Variants in GRID1 observed in about 807,000 individuals in gnomAD.
The protein encoded by GRID1 is glutamate receptor ionotropic, delta-1.
In GRID1, 28 loss-of-function variants were observed where a neutral mutation model predicts 98.0. That is an observed-to-expected ratio of 0.29 (90% CI 0.21 to 0.39). The LOEUF (loss-of-function observed/expected upper bound fraction) is 0.39, where lower values mean the gene tolerates loss of function less well. GRID1 is among the 10% of genes least tolerant of loss of function. The pLI is 1.00. For missense variants in GRID1, 1,111 were observed against 1,340.5 expected (o/e 0.83, Z 2.67); for synonymous variants, 553 against 538.5 (o/e 1.03, Z -0.37).
In GRID1 at chr10:85,646,223, G is replaced by T. The variant is rs143796520; in HGVS notation, c.2193+979C>A. ...TGGGTCTGGGAGGGAAAGGATGGGAGGAGACACTGAGGCAGCCAGTCTGCT... is the reference window on the plus strand; with the variant it reads ...TGGGTCTGGGAGGGAAAGGATGGGATGAGACACTGAGGCAGCCAGTCTGCT... On this transcript the variant is annotated intron_variant, in intron 13 of 15. Coordinates refer to ENST00000327946, the MANE Select transcript of GRID1 (RefSeq NM_017551.3). 329 of 153,008 alleles carry T rather than the reference G, an allele frequency of 2.2e-3. 1 individual carries two copies. The highest frequency in any genetic ancestry group is 3.7e-3 in the Non-Finnish European group (255 of 68,612). 9.5% of individuals were successfully genotyped at this position (153,008 alleles called of 1,614,324 possible). A position where few individuals can be genotyped will look rare whatever the true frequency, so the allele number is the denominator to read the frequency against.
At chr10:86,091,370 C>T (rs1187427033) in intron 4 of GRID1, among the ~76,000 whole-genome samples, 2 of 152,044 alleles carry the variant, frequency 1.3e-5, no homozygotes, top group Non-Finnish European at 2.9e-5. Flanking sequence ...AGCTTTCTCC[C>T]GCTTCCCTGA....
chr10:85,674,713 G>GT (rs796827862), intron 12 of GRID1, among the ~76,000 whole-genome samples: 6,386 of 145,230 alleles, frequency 0.044, 174 homozygotes, highest in Non-Finnish European at 0.059. Flanking sequence ...AAAATTGCAG[G>GT]TTTTTTTTTT....
chr10:85,916,250 A>G lies in GRID1; in HGVS notation c.727-11T>C. The G allele has an allele frequency of 1.2e-6, 2 of 1,606,822 alleles. No homozygotes were observed. The highest frequency in any genetic ancestry group is 1.7e-6 in the Non-Finnish European group (2 of 1,173,440). On this transcript the variant is annotated splice_polypyrimidine_tract_variant and intron_variant, in intron 4 of 15. Transcript: ENST00000327946. This position sits in a 1 kb window ranked among gnomAD's most constrained non-coding sequence, Gnocchi z 4.0. ...GTTGGTCTCCACGGCCTGCAGAGAG[A>G]AAAAGAACGAACATGAACAGAAGCA...
intron 5 of GRID1, among the ~76,000 whole-genome samples, chr10:85,876,998 C>A (rs912108050): frequency 6.6e-6 from 1 of 152,192 alleles, no homozygotes; most frequent in African/African-American, 2.4e-5. Flanking sequence ...CGGAGTCTCG[C>A]TGATTGCTAG....
At chr10:85,919,982 C>T (rs571207801) in intron 4 of GRID1, among the ~76,000 whole-genome samples, 1 of 152,280 alleles carries the variant, frequency 6.6e-6, no homozygotes, top group South Asian at 2.1e-4. Flanking sequence ...CCCTGCTTGG[C>T]ACTCACGGTG....
At chr10:85,766,306 T>G (rs578104441) in intron 8 of GRID1, among the ~76,000 whole-genome samples, 1 of 152,142 alleles carries the variant, frequency 6.6e-6, no homozygotes, top group Non-Finnish European at 1.5e-5. Context: ...GGCAATGTGG[T>G]GAAACCCCAT....
chr10:85,878,236 C>T (rs1300330819), intron 5 of GRID1, among the ~76,000 whole-genome samples: 1 of 152,108 alleles, frequency 6.6e-6, no homozygotes, highest in African/African-American at 2.4e-5. Flanking sequence ...TATAGCAAGG[C>T]AGGCCAACAT....
intron 4 of GRID1, among the ~76,000 whole-genome samples, chr10:86,004,453 G>C (rs1842835525): frequency 6.6e-6 from 1 of 152,142 alleles, no homozygotes; most frequent in South Asian, 2.1e-4. Flanking sequence ...TTTGGGATGA[G>C]GTTATATTTA....
chr10:86,233,107 G>A (rs569459894), intron 2 of GRID1, among the ~76,000 whole-genome samples: 2 of 152,184 alleles, frequency 1.3e-5, no homozygotes, highest in South Asian at 4.2e-4. Context: ...GGCAGAGGCT[G>A]GGGGACAGGA....
intron 13 of GRID1, 80 bp from the exon 14 acceptor site, chr10:85,620,113 G>A: frequency 8.6e-7 from 1 of 1,160,274 alleles, no homozygotes; most frequent in Non-Finnish European, 1.3e-6. Flanking sequence ...TCTTGATGGT[G>A]GGATTTGAGG....
chr10:85,937,824 G>T (rs1166287340), intron 4 of GRID1, among the ~76,000 whole-genome samples: 2 of 152,124 alleles, frequency 1.3e-5, no homozygotes, highest in Non-Finnish European at 2.9e-5. Flanking sequence ...GCACAGTTCT[G>T]CCCCCACCAC....
intron 8 of GRID1, among the ~76,000 whole-genome samples, chr10:85,809,161 A>T (rs1314206804): frequency 1.3e-5 from 2 of 152,144 alleles, no homozygotes; most frequent in Non-Finnish European, 2.9e-5. Flanking sequence ...TTAACCTATA[A>T]ATATGTTTAT....
chr10:86,098,491 T>C (rs1844252314), intron 4 of GRID1, among the ~76,000 whole-genome samples: 1 of 152,228 alleles, frequency 6.6e-6, no homozygotes, highest in Non-Finnish European at 1.5e-5. Context: ...TTTATTCAGC[T>C]GTTTTGAACA....
chr10:86,149,426 G>A (rs1184534121), intron 3 of GRID1, among the ~76,000 whole-genome samples: 12 of 152,170 alleles, frequency 7.9e-5, no homozygotes, highest in Non-Finnish European at 1.5e-5. Context: ...CACATGTGCT[G>A]TTTCAGACAC....
intron 8 of GRID1, among the ~76,000 whole-genome samples, chr10:85,796,228 A>G (rs1842524864): frequency 1.3e-5 from 2 of 152,254 alleles, no homozygotes; most frequent in Non-Finnish European, 2.9e-5. Context: ...TGACAGGCTC[A>G]AAGAAGACAC....
intron 12 of GRID1, among the ~76,000 whole-genome samples, chr10:85,712,409 C>T (rs1163761285): frequency 1.3e-5 from 2 of 151,768 alleles, no homozygotes; most frequent in African/African-American, 4.8e-5. Flanking sequence ...CTCAACATTA[C>T]AACACATAAA....
intron 12 of GRID1, chr10:85,709,252 G>T (rs978273349): frequency 1.7e-5 from 3 of 173,618 alleles, no homozygotes; most frequent in African/African-American, 7.1e-5. Context: ...GTGCTAAAGT[G>T]CAATAATGTT....
chr10:86,071,458 C>T (rs1017575309), intron 4 of GRID1, among the ~76,000 whole-genome samples: 1 of 152,256 alleles, frequency 6.6e-6, no homozygotes, highest in Non-Finnish European at 1.5e-5. Flanking sequence ...AATACTCTCA[C>T]AGGTGCAACG....
At chr10:86,016,111 A>C (rs1237082521) in intron 4 of GRID1, among the ~76,000 whole-genome samples, 1 of 150,706 alleles carries the variant, frequency 6.6e-6, no homozygotes. Context: ...CAAGAGGCTG[A>C]GTTAAATAGT....
Sources: gnomAD v4.1 joint callset for allele counts (sites outside exome capture counted in the v4.1 genomes callset) on GRCh38, gnomAD v4.1.1 for gene constraint, Gnocchi (gnomAD v3.1) non-coding constraint, MANE v1.5 for transcripts, NCBI Gene and HGNC (gene_info 2026-07-23, HGNC 2026-07-21) for gene names.